Variants in ABR observed in about 807,000 individuals in gnomAD.
ABR encodes the protein ABR activator of RhoGEF and GTPase.
Under a neutral mutation model 107.2 loss-of-function variants are expected in ABR, and 35 were observed. The observed-to-expected ratio is 0.33, with a 90% CI of 0.25 to 0.43. The LOEUF (loss-of-function observed/expected upper bound fraction) is 0.43, where lower values mean the gene tolerates loss of function less well. Among genes scored for constraint, ABR ranks in the 20% least tolerant of loss-of-function variants. The pLI is 1.00. For synonymous variants in ABR, 498 were observed against 462.0 expected, an observed-to-expected ratio of 1.08 and a Z score of -1.00; for missense variants, 815 against 1,115.2, an observed-to-expected ratio of 0.73 and a Z score of 3.83.
At chr17:1,151,683 C>G (rs1433628687) in intron 1 of ABR, among the ~76,000 whole-genome samples, 1 of 152,202 alleles carries the variant, frequency 6.6e-6, no homozygotes, top group Non-Finnish European at 1.5e-5. Flanking sequence ...GGACAGGAAG[C>G]CCAAGGATTT....
At chr17:1,109,116 C>CGGCGGCG in intron 2 of ABR, 2 of 1,377,416 alleles carry the variant, frequency 1.5e-6, no homozygotes, top group Non-Finnish European at 1.9e-6. Context: ...GTCCACGCAG[C>CGGCGGCG]GGCGGCGGGA....
At chr17:1,082,902 C>T (rs149765336) in intron 5 of ABR, among the ~76,000 whole-genome samples, 32 of 152,086 alleles carry the variant, frequency 2.1e-4, no homozygotes, top group African/African-American at 6.3e-4. Flanking sequence ...GAGGCTGAGA[C>T]GGGCACATCA....
At position 1,027,901 on chromosome 17, in the gene ABR, G is replaced by A. The variant is rs575220290; in HGVS notation, c.1792-14737C>T. Among the ~76,000 whole-genome samples, 56 of 152,118 alleles carry A rather than the reference G, an allele frequency of 3.7e-4. 1 individual carries two copies. Among genetic ancestry groups the A allele is most frequent in the African/African-American group, 1.3e-3 (55 of 41,496 alleles). ...GACTGGATTATAAAATAAAGTAGACGAGCCCAAGACATATCTGTATCTTGT... is the reference window on the plus strand; with the variant it reads ...GACTGGATTATAAAATAAAGTAGACAAGCCCAAGACATATCTGTATCTTGT... On this transcript the variant is annotated intron_variant, in intron 16 of 22. Coordinates refer to ENST00000302538, the MANE Select transcript of ABR (RefSeq NM_021962.5). The surrounding 1 kb of genome is among the most constrained non-coding windows in gnomAD (Gnocchi z 4.7).
chr17:1,012,957 T>G (rs2150742609), intron 17 of ABR, 148 bp downstream of exon 17: 2 of 1,091,162 alleles, frequency 1.8e-6, no homozygotes, highest in East Asian at 5.1e-5. Flanking sequence ...GGGCAGGGTG[T>G]GGGCAGGAGG....
intron 16 of ABR, among the ~76,000 whole-genome samples, chr17:1,021,222 G>A (rs2071598468): frequency 6.6e-6 from 1 of 152,184 alleles, no homozygotes; most frequent in Non-Finnish European, 1.5e-5. Context: ...GTGATCCAGG[G>A]GCTCACTGGA....
At chr17:1,187,879 G>A (rs2042344337), upstream of ABR, among the ~76,000 whole-genome samples, 1 of 150,834 alleles carries the variant, frequency 6.6e-6, no homozygotes, top group Admixed American at 6.6e-5. Context: ...GGGTGCGACA[G>A]AGTGAGGCTC....
chr17:1,012,530 G>A (rs767000863), intron 18 of ABR, 158 bp downstream of exon 18: 3 of 708,262 alleles, frequency 4.2e-6, no homozygotes, highest in Admixed American at 2.0e-5. Flanking sequence ...GAGCGCCTCT[G>A]CGGCCACTCT....
At chr17:1,117,046 C>A (rs1265138853) in intron 2 of ABR, among the ~76,000 whole-genome samples, 1 of 152,182 alleles carries the variant, frequency 6.6e-6, no homozygotes, top group African/African-American at 2.4e-5. Flanking sequence ...AAGCCCTAAG[C>A]CTTCTGAAGA....
At chr17:1,112,522 A>G (rs2038731934) in intron 2 of ABR, among the ~76,000 whole-genome samples, 1 of 151,238 alleles carries the variant, frequency 6.6e-6, no homozygotes, top group African/African-American at 2.4e-5. Flanking sequence ...GTTTGAGCTC[A>G]AGAGTTGGAG....
At chr17:1,193,916 G>A (rs1307582024) in intron 1 of ABR, among the ~76,000 whole-genome samples, 2 of 151,890 alleles carry the variant, frequency 1.3e-5, no homozygotes, top group African/African-American at 2.4e-5. Flanking sequence ...GGATGGTTTT[G>A]ATCTCCTGAC....
intron 4 of ABR, among the ~76,000 whole-genome samples, chr17:1,085,753 T>A (rs185191918): frequency 1.4e-4 from 22 of 152,356 alleles, no homozygotes; most frequent in African/African-American, 4.8e-4. Flanking sequence ...CGTTAATTTT[T>A]AAATACTGAT....
chr17:1,011,176 C>T lies in ABR; in HGVS notation c.2102-313G>A. On this transcript the variant is annotated intron_variant, in intron 19 of 22. Transcript: ENST00000302538. This position sits in a 1 kb window ranked among gnomAD's most constrained non-coding sequence, Gnocchi z 4.8. ...GCCTGCAGCTTCCTTCCGACTGGAA[C>T]CTCTCCATCGCTAAGCCCCTCTCTG... 8.0e-6 allele frequency: 3 copies of T among 372,884 alleles called. 1 individual carries two copies. The South Asian group carries it at 8.6e-5, about 11-fold the overall frequency. The allele number at this position is 372,884 out of a possible 1,614,324, so 23.1% of individuals were successfully genotyped here.
rs561236414 is a variant in ABR, at chr17:1,028,447, T to G, written c.1792-15283A>C. ...CGGGGCTTCTCCATGTTGGCCAGGCTGGTCTTGGACTCCTGACATCAGGTG... is the reference window on the plus strand; with the variant it reads ...CGGGGCTTCTCCATGTTGGCCAGGCGGGTCTTGGACTCCTGACATCAGGTG... On this transcript the variant is annotated intron_variant, in intron 16 of 22. Transcript: ENST00000302538. Among the ~76,000 whole-genome samples the G allele has an allele frequency of 9.2e-5, 14 of 152,286 alleles. No homozygotes were observed. The South Asian group carries it at 2.9e-3, about 32-fold the overall frequency.
At chr17:1,139,904 G>C (rs1292331769) in intron 1 of ABR, among the ~76,000 whole-genome samples, 2 of 152,206 alleles carry the variant, frequency 1.3e-5, no homozygotes, top group African/African-American at 4.8e-5. Flanking sequence ...CAGGGTATCA[G>C]CGTGCAGAAT....
At chr17:1,082,880 T>A (rs1276787214) in intron 5 of ABR, among the ~76,000 whole-genome samples, 1 of 152,030 alleles carries the variant, frequency 6.6e-6, no homozygotes, top group African/African-American at 2.4e-5. Context: ...ACCTGTAATG[T>A]CAGCACTTTG....
At chr17:1,215,710 C>T (rs949952447) in intron 1 of ABR, among the ~76,000 whole-genome samples, 71 of 151,770 alleles carry the variant, frequency 4.7e-4, no homozygotes, top group African/African-American at 1.6e-3. Flanking sequence ...GCCATGATGA[C>T]GATGGCGGTT....
At chr17:1,018,090 T>G (rs1488374550) in intron 16 of ABR, among the ~76,000 whole-genome samples, 3 of 129,046 alleles carry the variant, frequency 2.3e-5, no homozygotes, top group African/African-American at 9.2e-5. Flanking sequence ...TCGCCCAGGC[T>G]GGAGTGCTGT....
At position 1,027,893 on chromosome 17, in the gene ABR, A is replaced by T. The variant is rs1314030630; in HGVS notation, c.1792-14729T>A. Among the ~76,000 whole-genome samples, 1 of 152,002 alleles carries T rather than the reference A, an allele frequency of 6.6e-6. No homozygotes were observed. The highest frequency in any genetic ancestry group is 1.5e-5 in the Non-Finnish European group (1 of 68,002). On this transcript the variant is annotated intron_variant, in intron 16 of 22. Transcript: ENST00000302538. This position sits in a 1 kb window ranked among gnomAD's most constrained non-coding sequence, Gnocchi z 4.7. The stretch of plus-strand genomic sequence containing the variant: ...GACGCCCAGACTGGATTATAAAATA[A>T]AGTAGACGAGCCCAAGACATATCTG...
intron 21 of ABR, among the ~76,000 whole-genome samples, chr17:1,009,290 C>G (rs1030470102): frequency 2.9e-5 from 4 of 138,398 alleles, no homozygotes; most frequent in African/African-American, 1.2e-4. Context: ...GTCCACCCCC[C>G]ACTGCATCTA....
Sources: gnomAD v4.1 joint callset for allele counts (sites outside exome capture counted in the v4.1 genomes callset) on GRCh38, gnomAD v4.1.1 for gene constraint, Gnocchi (gnomAD v3.1) non-coding constraint, MANE v1.5 for transcripts, NCBI Gene and HGNC (gene_info 2026-07-23, HGNC 2026-07-21) for gene names.